Variants in GAS2 observed in about 807,000 individuals in gnomAD.
GAS2 encodes the protein growth arrest specific 2.
In GAS2, 20 loss-of-function variants were observed where a neutral mutation model predicts 37.5. The ratio of observed to expected loss-of-function variants is 0.53; its 90% confidence interval spans 0.37 to 0.77. The LOEUF is 0.77. Among genes scored for constraint, GAS2 ranks in the 30% least tolerant of loss-of-function variants. The probability of loss-of-function intolerance (pLI) is 0.00; values close to 1 mark genes in which losing one functional copy is unlikely to be tolerated. For synonymous variants in GAS2, 144 were observed against 132.2 expected (o/e 1.09, Z -0.61); for missense variants, 336 against 373.4 (o/e 0.90, Z 0.82).
chr11:22,719,060 A>G lies in GAS2; in HGVS notation c.268-7232A>G, dbSNP rs568452355. The stretch of plus-strand genomic sequence containing the variant: ...TGTTAAGGTATAATTAACATGTAAC[A>G]AAAATTACATATATTTATGGTGTAT... On this transcript the variant is annotated intron_variant, in intron 3 of 7. Coordinates refer to ENST00000454584, the MANE Select transcript of GAS2 (RefSeq NM_001143830.3). 2.0e-5 allele frequency among the ~76,000 whole-genome samples: 3 copies of G among 152,268 alleles called. No individual in the cohort carries two copies. In the South Asian group the frequency reaches 6.2e-4, roughly 32 times the overall value.
At chr11:22,646,544 C>T (rs181586554) in intron 1 of GAS2, among the ~76,000 whole-genome samples, 1 of 152,062 alleles carries the variant, frequency 6.6e-6, no homozygotes, top group Non-Finnish European at 1.5e-5. Flanking sequence ...AACTGTGATA[C>T]CCAGATGACA....
At position 22,695,163 on chromosome 11, in the gene GAS2, T is replaced by C. The variant is rs141215155; in HGVS notation, c.267+9374T>C. Among the ~76,000 whole-genome samples, 49 of 151,496 alleles carry C rather than the reference T, an allele frequency of 3.2e-4. 1 individual carries two copies. Among genetic ancestry groups the C allele is most frequent in the African/African-American group, 1.2e-3 (49 of 41,316 alleles). Reference sequence around the variant, plus strand: ...GGTAAAACGCTGTCTCTACCAAAAATAAAAAAAATTAGCTGGGTGTGGTGG... The same window carrying C: ...GGTAAAACGCTGTCTCTACCAAAAACAAAAAAAATTAGCTGGGTGTGGTGG... On this transcript the variant is annotated intron_variant, in intron 3 of 7. Coordinates refer to ENST00000454584, the MANE Select transcript of GAS2 (RefSeq NM_001143830.3).
intron 1 of GAS2, among the ~76,000 whole-genome samples, chr11:22,634,725 T>C (rs1858797847): frequency 6.6e-6 from 1 of 152,024 alleles, no homozygotes; most frequent in South Asian, 2.1e-4. Flanking sequence ...AGGGATCCAG[T>C]GATAGGACCT....
intron 1 of GAS2, among the ~76,000 whole-genome samples, chr11:22,670,339 A>G (rs1232741730): frequency 1.3e-5 from 2 of 151,646 alleles, no homozygotes; most frequent in Non-Finnish European, 2.9e-5. Context: ...ATGTCCTCTC[A>G]CACTTACTTT....
chr11:22,752,073 A>C (rs1853769494), intron 6 of GAS2, among the ~76,000 whole-genome samples: 1 of 152,042 alleles, frequency 6.6e-6, no homozygotes, highest in African/African-American at 2.4e-5. Context: ...ATGTTTCACA[A>C]GTCTTTAAAA....
At chr11:22,694,695 C>T (rs1850411736) in intron 3 of GAS2, among the ~76,000 whole-genome samples, 1 of 152,114 alleles carries the variant, frequency 6.6e-6, no homozygotes. Context: ...ATCTAGCAAA[C>T]TTTAATAGGG....
chr11:22,737,190 T>C (rs1001806902), intron 4 of GAS2, among the ~76,000 whole-genome samples: 2 of 152,176 alleles, frequency 1.3e-5, no homozygotes, highest in African/African-American at 2.4e-5. Flanking sequence ...GGGTCTCACT[T>C]TGACATTCAT....
At chr11:22,715,481 AAAG>A (rs1256848017) in intron 3 of GAS2, among the ~76,000 whole-genome samples, 4 of 146,200 alleles carry the variant, frequency 2.7e-5, no homozygotes, top group African/African-American at 5.0e-5. Flanking sequence ...AAAAAAAAAA[AAAG>A]AAAAGAAAAG....
At chr11:22,783,726 C>A (rs140499093) in intron 7 of GAS2, among the ~76,000 whole-genome samples, 45 of 152,248 alleles carry the variant, frequency 3.0e-4, no homozygotes, top group African/African-American at 1.1e-3. Context: ...TTACTCCAAT[C>A]CCCATGTCAA....
chr11:22,758,843 G>A (rs1854197044), intron 7 of GAS2, among the ~76,000 whole-genome samples: 1 of 149,394 alleles, frequency 6.7e-6, no homozygotes, highest in Admixed American at 6.8e-5. Flanking sequence ...AACCCAGGAG[G>A]CGGAGGTTGT....
intron 1 of GAS2, among the ~76,000 whole-genome samples, chr11:22,652,912 G>C (rs923736992): frequency 6.6e-6 from 1 of 151,806 alleles, no homozygotes; most frequent in Non-Finnish European, 1.5e-5. Context: ...GCTGTAGACC[G>C]GAGCGGTTCC....
intron 7 of GAS2, among the ~76,000 whole-genome samples, chr11:22,794,609 G>A (rs1856340587): frequency 6.6e-6 from 1 of 151,958 alleles, no homozygotes; most frequent in Non-Finnish European, 1.5e-5. Context: ...TCATTATTCA[G>A]CATTTATTTT....
intron 3 of GAS2, among the ~76,000 whole-genome samples, chr11:22,721,676 A>G (rs1162273729): frequency 6.6e-6 from 1 of 152,112 alleles, no homozygotes; most frequent in Admixed American, 6.6e-5. Flanking sequence ...TTCAATAGCC[A>G]CATGTGGCTA....
At chr11:22,693,597 CA>C (rs1169232657) in intron 3 of GAS2, among the ~76,000 whole-genome samples, 1 of 152,140 alleles carries the variant, frequency 6.6e-6, no homozygotes, top group Non-Finnish European at 1.5e-5. Flanking sequence ...AAAATTATGA[CA>C]TTTTTTGAGA....
chr11:22,638,626 A>G (rs995814902), intron 1 of GAS2, among the ~76,000 whole-genome samples: 1 of 152,136 alleles, frequency 6.6e-6, no homozygotes, highest in African/African-American at 2.4e-5. Flanking sequence ...GATTACAGGC[A>G]TGAGCCGTTG....
chr11:22,726,468 TA>T, intron 4 of GAS2, 35 bp downstream of exon 4: 4 of 1,574,642 alleles, frequency 2.5e-6, no homozygotes, highest in Non-Finnish European at 3.5e-6. Flanking sequence ...GTTGATAAGA[TA>T]CGCAAATTAT....
intron 1 of GAS2, among the ~76,000 whole-genome samples, chr11:22,661,486 C>G (rs1848915598): frequency 2.0e-5 from 3 of 152,102 alleles, no homozygotes; most frequent in Non-Finnish European, 4.4e-5. Flanking sequence ...TGTGATACTA[C>G]ATTATAAGTG....
At chr11:22,650,071 C>T (rs1418273428) in intron 1 of GAS2, among the ~76,000 whole-genome samples, 1 of 151,868 alleles carries the variant, frequency 6.6e-6, no homozygotes, top group Non-Finnish European at 1.5e-5. Flanking sequence ...ATAAATTTCC[C>T]TCTACACACT....
At chr11:22,708,748 C>A (rs1851253898) in intron 3 of GAS2, among the ~76,000 whole-genome samples, 2 of 152,182 alleles carry the variant, frequency 1.3e-5, no homozygotes, top group Admixed American at 6.5e-5. Flanking sequence ...CTGTTCCATT[C>A]CTCATAAAGC....
Sources: allele counts gnomAD v4.1 joint callset (sites outside exome capture counted in the v4.1 genomes callset), GRCh38; gene constraint gnomAD v4.1.1; transcripts MANE v1.5; gene names NCBI Gene and HGNC (gene_info 2026-07-23, HGNC 2026-07-21).